CYB5R3: variants seen among roughly 807,000 people sequenced by gnomAD.
The protein encoded by CYB5R3 is cytochrome b5 reductase 3.
Under a neutral mutation model 36.5 loss-of-function variants are expected in CYB5R3, and 28 were observed. The observed-to-expected ratio is 0.77, with a 90% CI of 0.57 to 1.05. The LOEUF (loss-of-function observed/expected upper bound fraction) is 1.05. CYB5R3 is among the 50% of genes least tolerant of loss of function. The pLI, the probability that CYB5R3 is intolerant of heterozygous loss-of-function variation, is 0.00. For missense variants in CYB5R3, 474 were observed against 408.9 expected (o/e 1.16, Z -1.37); for synonymous variants, 181 against 159.8 (o/e 1.13, Z -1.00).
intron 7 of CYB5R3, among the ~76,000 whole-genome samples, chr22:42,624,770 C>G (rs2146870448): frequency 6.6e-6 from 1 of 152,224 alleles, no homozygotes; most frequent in African/African-American, 2.4e-5. Context: ...TGCCCACTAA[C>G]AAATCGCTAC....
intron 4 of CYB5R3, among the ~76,000 whole-genome samples, chr22:42,629,089 TGA>T (rs1928470968): frequency 6.6e-6 from 1 of 152,150 alleles, no homozygotes; most frequent in Non-Finnish European, 1.5e-5. Context: ...TGGTCACCTG[TGA>T]GTTTTTCATC....
chr22:42,622,400 C>A (rs1260559570), intron 8 of CYB5R3, among the ~76,000 whole-genome samples: 1 of 152,176 alleles, frequency 6.6e-6, no homozygotes, highest in Non-Finnish European at 1.5e-5. Flanking sequence ...GCCTCCCCCA[C>A]TGGAAGGTCA....
At chr22:42,632,125 C>A (rs1928652895) in intron 2 of CYB5R3, 1 of 154,644 alleles carries the variant, frequency 6.5e-6, no homozygotes, top group Admixed American at 6.4e-5. Flanking sequence ...GGAGCTGAGA[C>A]TAAAACCCCT....
At chr22:42,626,142 C>G (rs1214405457) in intron 7 of CYB5R3, among the ~76,000 whole-genome samples, 2 of 152,146 alleles carry the variant, frequency 1.3e-5, no homozygotes, top group Admixed American at 6.5e-5. Flanking sequence ...AACCCCATCT[C>G]TACTAAAAAT....
chr22:42,633,325 C>T (rs928837870), intron 2 of CYB5R3: 3 of 152,412 alleles, frequency 2.0e-5, no homozygotes, highest in East Asian at 3.9e-4. Flanking sequence ...TCCACACACC[C>T]GTGTATGAAC....
At chr22:42,630,738 C>T (rs950758959) in intron 4 of CYB5R3, 144 bp downstream of exon 4, 7 of 725,130 alleles carry the variant, frequency 9.7e-6, no homozygotes, top group Middle Eastern at 7.3e-4. Flanking sequence ...CCCCTGCAAG[C>T]CCCTGAGGAA....
intron 1 of CYB5R3, chr22:42,640,184 A>T: frequency 6.2e-6 from 10 of 1,611,810 alleles, no homozygotes; most frequent in Non-Finnish European, 8.5e-6. Context: ...GTGTAGTACC[A>T]AAATGCGGCC....
chr22:42,642,448 A>AT (rs1462515430), intron 1 of CYB5R3, among the ~76,000 whole-genome samples: 2 of 150,104 alleles, frequency 1.3e-5, no homozygotes, highest in East Asian at 4.0e-4. Context: ...TGAAATTATT[A>AT]TTTTTTTTGA....
chr22:42,645,610 T>C (rs963048857), intron 1 of CYB5R3, among the ~76,000 whole-genome samples: 55 of 152,026 alleles, frequency 3.6e-4, no homozygotes, highest in Non-Finnish European at 7.1e-4. Context: ...CAGTGTCTGC[T>C]CCCAACAACA....
intron 2 of CYB5R3, among the ~76,000 whole-genome samples, chr22:42,634,763 T>C (rs12167590): frequency 3.8e-4 from 31 of 82,604 alleles, no homozygotes; most frequent in East Asian, 1.5e-3. Context: ...GTAGCTGGGA[T>C]TACAGGCATC....
intron 1 of CYB5R3, chr22:42,640,104 G>A (rs766517606): frequency 3.1e-6 from 5 of 1,612,844 alleles, no homozygotes; most frequent in Admixed American, 1.7e-5. Flanking sequence ...GAGCACTACT[G>A]ACTATTTTTT....
rs549563246 is a variant in CYB5R3, at chr22:42,623,054, G to A, written c.733+735C>T. Among the ~76,000 whole-genome samples, 14 of 99,406 alleles carry A rather than the reference G, an allele frequency of 1.4e-4. 1 individual carries two copies. The South Asian group carries it at 1.5e-3, about 10-fold the overall frequency. The allele number at this position is 99,406 out of a possible 152,430, so 65.2% of individuals were successfully genotyped here. On this transcript the variant is annotated intron_variant, in intron 8 of 8. Transcript: ENST00000352397. ...CCAGGCAGATGCGCTCCAATTTACC[G>A]CAGTTGCCGCCACTCCCTAGTCTCT...
chr22:42,647,081 G>C (rs2284090), intron 1 of CYB5R3: 2 of 627,666 alleles, frequency 3.2e-6, no homozygotes, highest in Non-Finnish European at 4.0e-6. Context: ...AAGACACCTA[G>C]AGCACCAGGC....
At chr22:42,647,076 A>ATG in intron 1 of CYB5R3, 1 of 688,048 alleles carries the variant, frequency 1.5e-6, no homozygotes, top group Non-Finnish European at 1.8e-6. Context: ...TAGATAAGAC[A>ATG]CCTAGAGCAC....
At chr22:42,646,814 C>G in intron 1 of CYB5R3, 1 of 986,104 alleles carries the variant, frequency 1.0e-6, no homozygotes, top group Non-Finnish European at 1.2e-6. Context: ...CAGGTGGACA[C>G]AGAGCTGGGA....
intron 7 of CYB5R3, among the ~76,000 whole-genome samples, 168 bp from the exon 8 acceptor site, chr22:42,624,056 C>G (rs1331500207): frequency 6.6e-6 from 1 of 152,222 alleles, no homozygotes; most frequent in African/African-American, 2.4e-5. Context: ...CTCTCCTTGT[C>G]TAGCCTAAGG....
chr22:42,643,299 T>C (rs990983530), intron 1 of CYB5R3, among the ~76,000 whole-genome samples: 1 of 152,132 alleles, frequency 6.6e-6, no homozygotes. Context: ...CCAGGTCACG[T>C]AGGGGTCTAT....
intron 1 of CYB5R3, chr22:42,644,736 T>C: frequency 2.4e-6 from 2 of 825,278 alleles, no homozygotes; most frequent in Non-Finnish European, 2.9e-6. Flanking sequence ...TCACAGGAAA[T>C]CACCATTGTT....
chr22:42,624,272 G>A lies in CYB5R3; in HGVS notation c.634-384C>T, dbSNP rs533172052. 1.9e-4 allele frequency among the ~76,000 whole-genome samples: 29 copies of A among 152,332 alleles called. No homozygotes were observed. The South Asian group carries it at 4.4e-3, about 23-fold the overall frequency. ...CTCCAGGGGGTCAGCCCGGGAGCGG[G>A]TGTAACACATACAATAAGCAATGGC... On this transcript the variant is annotated intron_variant, in intron 7 of 8. Coordinates refer to ENST00000352397, the MANE Select transcript of CYB5R3 (RefSeq NM_000398.7).
Sources: gnomAD v4.1 joint callset for allele counts (sites outside exome capture counted in the v4.1 genomes callset) on GRCh38, gnomAD v4.1.1 for gene constraint, MANE v1.5 for transcripts, NCBI Gene and HGNC (gene_info 2026-07-23, HGNC 2026-07-21) for gene names.